NR5A2: variants seen among roughly 807,000 people sequenced by gnomAD.
NR5A2 encodes CYP7A promoter-binding factor.
A neutral mutation model predicts 62.7 loss-of-function variants in NR5A2; 26 were observed. The ratio of observed to expected loss-of-function variants is 0.41; its 90% CI spans 0.30 to 0.58. NR5A2 has a LOEUF of 0.58. NR5A2 is among the 20% of genes least tolerant of loss of function. The pLI is 0.22. For synonymous variants in NR5A2, 246 were observed against 241.7 expected, an observed-to-expected ratio of 1.02 and a Z score of -0.16; for missense variants, 541 against 669.1, an observed-to-expected ratio of 0.81 and a Z score of 2.11.
At chr1:200,164,156 C>A (rs993658878) in intron 7 of NR5A2, among the ~76,000 whole-genome samples, 14 of 152,150 alleles carry the variant, frequency 9.2e-5, no homozygotes, top group Admixed American at 2.0e-4. Context: ...TGATTTTAAT[C>A]TTCTTGAGAC....
At chr1:200,131,231 G>A (rs555162711) in intron 7 of NR5A2, among the ~76,000 whole-genome samples, 1 of 144,948 alleles carries the variant, frequency 6.9e-6, no homozygotes, top group Non-Finnish European at 1.5e-5. Context: ...AATAGGTGTT[G>A]TGGATTTTTT....
intron 7 of NR5A2, among the ~76,000 whole-genome samples, chr1:200,137,022 T>C (rs1667252180): frequency 6.6e-6 from 1 of 152,148 alleles, no homozygotes; most frequent in Non-Finnish European, 1.5e-5. Context: ...CAGGCTGGAA[T>C]GCAGTGGTGT....
chr1:200,149,946 T>G (rs1462678329), intron 7 of NR5A2, among the ~76,000 whole-genome samples: 1 of 152,232 alleles, frequency 6.6e-6, no homozygotes, highest in Non-Finnish European at 1.5e-5. Flanking sequence ...CTCCATGCAG[T>G]AATGATAATA....
chr1:200,152,812 T>G (rs1653191041), intron 7 of NR5A2, among the ~76,000 whole-genome samples: 1 of 152,198 alleles, frequency 6.6e-6, no homozygotes, highest in Non-Finnish European at 1.5e-5. Flanking sequence ...GCCATTCAGC[T>G]ATGGTCACTA....
intron 7 of NR5A2, among the ~76,000 whole-genome samples, chr1:200,152,438 A>G (rs909768109): frequency 6.6e-6 from 1 of 152,246 alleles, no homozygotes. Context: ...ATATTTAGCA[A>G]GAAGGCAAAA....
intron 7 of NR5A2, among the ~76,000 whole-genome samples, chr1:200,131,877 C>G (rs2102329498): frequency 6.6e-6 from 1 of 152,278 alleles, no homozygotes; most frequent in Non-Finnish European, 1.5e-5. Flanking sequence ...TTCAAACAGA[C>G]CAATCCAAAG....
chr1:200,053,553 C>T (rs564786773), intron 5 of NR5A2, among the ~76,000 whole-genome samples: 61 of 139,026 alleles, frequency 4.4e-4, no homozygotes, highest in African/African-American at 1.5e-3. Context: ...TCCCTCATCC[C>T]CCCCAGCATG....
chr1:200,153,309 CT>C (rs1653221787), intron 7 of NR5A2, among the ~76,000 whole-genome samples: 1 of 152,180 alleles, frequency 6.6e-6, no homozygotes, highest in Non-Finnish European at 1.5e-5. Context: ...TTTCCACATG[CT>C]TTTTTCACAT....
At chr1:200,097,265 T>C (rs1438797142) in intron 5 of NR5A2, among the ~76,000 whole-genome samples, 1 of 152,234 alleles carries the variant, frequency 6.6e-6, no homozygotes, top group Non-Finnish European at 1.5e-5. Context: ...CTTCTTTTTT[T>C]CTTTTTATTG....
At chr1:200,033,456 G>A (rs1558093242) in intron 1 of NR5A2, among the ~76,000 whole-genome samples, 2 of 152,032 alleles carry the variant, frequency 1.3e-5, no homozygotes, top group Admixed American at 6.5e-5. Context: ...AGTGAGATAT[G>A]CTAGTCCCAC....
intron 5 of NR5A2, among the ~76,000 whole-genome samples, chr1:200,094,524 CTTTTTTTTTT>C (rs373809748): frequency 8.4e-5 from 5 of 59,802 alleles, no homozygotes; most frequent in Middle Eastern, 0.019. Context: ...TTAAATGCCA[CTTTTTTTTTT>C]TTTTTTTTTT....
chr1:200,050,203 C>A (rs1571715297), intron 5 of NR5A2, among the ~76,000 whole-genome samples: 1 of 152,326 alleles, frequency 6.6e-6, no homozygotes, highest in East Asian at 1.9e-4. Context: ...CATGAAAAAA[C>A]AAACCATGCA....
intron 5 of NR5A2, among the ~76,000 whole-genome samples, chr1:200,072,236 G>T (rs1663769132): frequency 6.6e-6 from 1 of 151,988 alleles, no homozygotes; most frequent in Admixed American, 6.6e-5. Context: ...TAGAGAACTT[G>T]TATTCCAGCA....
intron 5 of NR5A2, among the ~76,000 whole-genome samples, chr1:200,098,259 T>C (rs1665192775): frequency 6.6e-6 from 1 of 152,148 alleles, no homozygotes; most frequent in Non-Finnish European, 1.5e-5. Flanking sequence ...CTCTTGTTTT[T>C]CCCCCAAATC....
chr1:200,053,053 T>G (rs78546529), intron 5 of NR5A2, among the ~76,000 whole-genome samples: 2,916 of 152,296 alleles, frequency 0.019, 96 homozygotes, highest in African/African-American at 0.067. Flanking sequence ...TTTGGTAGGT[T>G]GTTTTGTTTT....
At chr1:200,137,114 C>T (rs1667255925) in intron 7 of NR5A2, among the ~76,000 whole-genome samples, 1 of 151,814 alleles carries the variant, frequency 6.6e-6, no homozygotes, top group African/African-American at 2.4e-5. Flanking sequence ...GGATTACAGG[C>T]ATGAGCCACT....
chr1:200,033,216 G>A (rs145433445), intron 1 of NR5A2, among the ~76,000 whole-genome samples: 2 of 152,110 alleles, frequency 1.3e-5, no homozygotes, highest in Admixed American at 6.5e-5. Context: ...GTAACAACTC[G>A]CAGGGTTACC....
intron 7 of NR5A2, among the ~76,000 whole-genome samples, chr1:200,128,520 G>A (rs2258280): frequency 0.45 from 69,120 of 152,008 alleles, 15,964 homozygotes; most frequent in East Asian, 0.68. Flanking sequence ...CATAGCTTTC[G>A]TTATATATAT....
intron 7 of NR5A2, among the ~76,000 whole-genome samples, chr1:200,126,555 A>G (rs1452992311): frequency 6.6e-6 from 1 of 152,232 alleles, no homozygotes; most frequent in Non-Finnish European, 1.5e-5. Context: ...TTAGCTAAAA[A>G]AAATGCAAGC....
Sources: allele counts gnomAD v4.1 joint callset (sites outside exome capture counted in the v4.1 genomes callset), GRCh38; gene constraint gnomAD v4.1.1; transcripts MANE v1.5; gene names NCBI Gene and HGNC (gene_info 2026-07-23, HGNC 2026-07-21).